The following CACNA1C variants were observed in gnomAD, a reference collection of about 807,000 sequenced individuals.
CACNA1C encodes the protein voltage-dependent L-type calcium channel subunit alpha-1C.
In CACNA1C, 30 loss-of-function variants were observed where a neutral mutation model predicts 229.0. The observed-to-expected ratio is 0.13, with a 90% CI of 0.10 to 0.18. The LOEUF is 0.18. Among genes scored for constraint, CACNA1C ranks in the 10% least tolerant of loss-of-function variants. The pLI is 1.00. For missense variants in CACNA1C, 1,658 were observed against 2,845.0 expected (o/e 0.58, Z 9.49); for synonymous variants, 1,114 against 1,132.5 (o/e 0.98, Z 0.33).
At chr12:2,192,506 G>A (rs549485620) in intron 3 of CACNA1C, among the ~76,000 whole-genome samples, 4 of 152,348 alleles carry the variant, frequency 2.6e-5, no homozygotes, top group African/African-American at 4.8e-5. Context: ...CAGTAAAGAC[G>A]TCCATTTCCC....
intron 3 of CACNA1C, among the ~76,000 whole-genome samples, chr12:2,232,025 TGA>T (rs1053061436): frequency 1.3e-5 from 2 of 152,206 alleles, no homozygotes; most frequent in Non-Finnish European, 2.9e-5. Context: ...ATATCTTGCA[TGA>T]CCATAATATA....
intron 8 of CACNA1C, among the ~76,000 whole-genome samples, chr12:2,507,340 T>G (rs2154578255): frequency 6.6e-6 from 1 of 152,240 alleles, no homozygotes; most frequent in South Asian, 2.1e-4. Flanking sequence ...AGGAGGCCTC[T>G]CCTCATGTGT....
intron 29 of CACNA1C, among the ~76,000 whole-genome samples, chr12:2,618,858 A>G (rs1272056523): frequency 6.6e-6 from 1 of 152,204 alleles, no homozygotes; most frequent in Non-Finnish European, 1.5e-5. Context: ...TTTGTTTTTC[A>G]GTCATGTTTT....
chr12:2,219,710 G>T (rs1370506811), intron 3 of CACNA1C, among the ~76,000 whole-genome samples: 1 of 152,236 alleles, frequency 6.6e-6, no homozygotes, highest in Non-Finnish European at 1.5e-5. Flanking sequence ...GACTATGAAA[G>T]TTTCTCTGTG....
At chr12:2,179,773 A>G (rs1313806711) in intron 3 of CACNA1C, among the ~76,000 whole-genome samples, 1 of 152,218 alleles carries the variant, frequency 6.6e-6, no homozygotes, top group Non-Finnish European at 1.5e-5. Flanking sequence ...TTGGCTGTTC[A>G]ATGGATATAT....
In CACNA1C at chr12:2,115,461, C is replaced by T. The variant is rs1177984976; in HGVS notation, c.287C>T (p.Thr96Met). 6 of 1,613,180 alleles carry T rather than the reference C, an allele frequency of 3.7e-6. No homozygotes were observed. The highest frequency in any genetic ancestry group is 1.7e-5 in the Admixed American group (1 of 60,006). ...AAACCCAAGAAGCAGGGCAGCACCACGGCCACACGCCCGCCCCGAGCCCTG... is the reference window on the plus strand; with the variant it reads ...AAACCCAAGAAGCAGGGCAGCACCATGGCCACACGCCCGCCCCGAGCCCTG... ...YGKPKKQGSTTATRPPRALLC... is the reference protein window; with the variant it reads ...YGKPKKQGSTMATRPPRALLC... The change falls in exon 2 of 47, where the codon ACG (threonine) becomes ATG (methionine). Residue 96 changes from threonine (T) to methionine (M), a missense_variant. By Grantham distance (81) the Thr-to-Met change is moderately conservative (BLOSUM62 -1). Transcript: ENST00000399655.
At chr12:2,458,733 G>A (rs149231460) in intron 5 of CACNA1C, among the ~76,000 whole-genome samples, 1,838 of 152,278 alleles carry the variant, frequency 0.012, 20 homozygotes, top group Middle Eastern at 0.027. Flanking sequence ...CCGGTGTGCT[G>A]CTGGGTGGTA....
At chr12:2,091,609 A>G (rs1266518445) in intron 1 of CACNA1C, among the ~76,000 whole-genome samples, 1 of 152,052 alleles carries the variant, frequency 6.6e-6, no homozygotes, top group Non-Finnish European at 1.5e-5. Flanking sequence ...TCAGACCCAC[A>G]TGGATAATCC....
intron 5 of CACNA1C, among the ~76,000 whole-genome samples, chr12:2,465,553 G>A (rs960888015): frequency 4.6e-5 from 7 of 152,140 alleles, no homozygotes; most frequent in South Asian, 2.1e-4. Flanking sequence ...ACCCATTACC[G>A]AAAAGGAAGT....
At chr12:2,129,900 T>C (rs946550417) in intron 3 of CACNA1C, among the ~76,000 whole-genome samples, 4 of 152,222 alleles carry the variant, frequency 2.6e-5, no homozygotes, top group Non-Finnish European at 4.4e-5. Context: ...ATTACAGTTA[T>C]GTGCAAAGTT....
intron 3 of CACNA1C, among the ~76,000 whole-genome samples, chr12:2,366,181 T>G (rs7314049): frequency 0.3 from 45,315 of 152,110 alleles, 7,553 homozygotes; most frequent in Non-Finnish European, 0.38. Context: ...GCCTCACCCC[T>G]GCCACTTACT....
At position 2,677,760 on chromosome 12, in the gene CACNA1C, G is replaced by A. The variant is rs778011390; in HGVS notation, c.4984G>A (p.Gly1662Arg). ...QAGLRTLHDI[G>R]PEIRRAISGD... ...TGGCTTGCGCACACTGCATGACATC[G>A]GGCCTGAGATCCGACGGGCCATCTC... The change falls in exon 41 of 47, where the codon GGG becomes AGG. Residue 1662 changes from glycine to arginine, a missense_variant. Gly to Arg is a moderately radical substitution (Grantham distance 125). This residue lies in a region of CACNA1C where 590 missense variants were observed against 700.8 expected (regional missense o/e 0.84). Transcript: ENST00000399655. This position sits in a 1 kb window ranked among gnomAD's most constrained non-coding sequence, Gnocchi z 7.4. The A allele has an allele frequency of 5.6e-6, 9 of 1,613,664 alleles. No individual in the cohort carries two copies. Among genetic ancestry groups the A allele is most frequent in the African/African-American group, 1.3e-5 (1 of 74,910 alleles).
chr12:2,530,889 G>T (rs558763606), intron 9 of CACNA1C, among the ~76,000 whole-genome samples: 3 of 152,300 alleles, frequency 2.0e-5, no homozygotes, highest in African/African-American at 7.2e-5. Context: ...ATCTTTAGGG[G>T]GTGGCCCTGA....
At chr12:2,501,236 T>TAAAAAAAAAAAAAAAAAAAAAAAAA (rs2099759477) in intron 7 of CACNA1C, among the ~76,000 whole-genome samples, 1 of 87,858 alleles carries the variant, frequency 1.1e-5, no homozygotes, top group African/African-American at 5.3e-5. Flanking sequence ...AAAAAAAAAG[T>TAAAAAAAAAAAAAAAAAAAAAAAAA]AAAGCAATAC....
chr12:2,662,198 C>T (rs1164609902), intron 34 of CACNA1C, among the ~76,000 whole-genome samples: 1 of 150,508 alleles, frequency 6.6e-6, no homozygotes, highest in Non-Finnish European at 1.5e-5. Context: ...GCCAAGATTG[C>T]GCCACTGCAC....
Position 2,691,808 on chromosome 12 carries a change from C to G in CACNA1C, c.*609C>G, listed in dbSNP as rs2153895085. ...GACCGGCACGGGCCACGCCGAGCTCCCGGCCAGCCGCCGGCCCGCAGGCAG... is the reference window on the plus strand; with the variant it reads ...GACCGGCACGGGCCACGCCGAGCTCGCGGCCAGCCGCCGGCCCGCAGGCAG... On this transcript the variant is annotated 3_prime_UTR_variant, in exon 47 of 47. Transcript: ENST00000399655. The G allele has an allele frequency of 6.6e-6, 1 of 152,376 alleles. No homozygotes were observed. The highest frequency in any genetic ancestry group is 2.1e-4 in the South Asian group (1 of 4,828). 9.4% of individuals were successfully genotyped at this position (152,376 alleles called of 1,614,324 possible).
At chr12:2,329,718 A>G (rs763142892) in intron 3 of CACNA1C, among the ~76,000 whole-genome samples, 9 of 152,198 alleles carry the variant, frequency 5.9e-5, no homozygotes, top group Non-Finnish European at 1.3e-4. Flanking sequence ...GCACTTTATG[A>G]AGTTCACATT....
chr12:2,451,334 T>A (rs1225953114), intron 4 of CACNA1C, among the ~76,000 whole-genome samples: 1 of 152,176 alleles, frequency 6.6e-6, no homozygotes, highest in East Asian at 1.9e-4. Flanking sequence ...AAGGCCTCAG[T>A]CTCCTGGGAG....
intron 1 of CACNA1C, among the ~76,000 whole-genome samples, chr12:2,099,456 G>A (rs1214770142): frequency 2.0e-5 from 3 of 152,062 alleles, no homozygotes; most frequent in Admixed American, 6.5e-5. Context: ...TTTGCCTGCA[G>A]TGCTGGGGAT....
Sources: gnomAD v4.1 joint callset for allele counts (sites outside exome capture counted in the v4.1 genomes callset) on GRCh38, gnomAD v4.1.1 for gene constraint, gnomAD v4.1.1 regional missense constraint, Gnocchi (gnomAD v3.1) non-coding constraint, MANE v1.5 for transcripts, NCBI Gene and HGNC (gene_info 2026-07-23, HGNC 2026-07-21) for gene names.